Variants in DDX10 observed in about 807,000 individuals in gnomAD.
DDX10 encodes DEAD-box helicase 10.
A neutral mutation model predicts 104.3 loss-of-function variants in DDX10; 74 were observed. The ratio of observed to expected loss-of-function variants is 0.71; its 90% confidence interval spans 0.59 to 0.86. The LOEUF is 0.86. DDX10 is among the 40% of genes least tolerant of loss of function. The pLI is 0.00. For synonymous variants in DDX10, 351 were observed against 353.4 expected, an observed-to-expected ratio of 0.99 and a Z score of 0.08; for missense variants, 952 against 1,040.0, an observed-to-expected ratio of 0.92 and a Z score of 1.16.
At chr11:108,910,721 G>A (rs1052582721) in intron 16 of DDX10, among the ~76,000 whole-genome samples, 1 of 144,336 alleles carries the variant, frequency 6.9e-6, no homozygotes, top group Admixed American at 7.0e-5. Context: ...AGAGAGGAGC[G>A]TGCATGCGTG....
intron 1 of DDX10, among the ~76,000 whole-genome samples, chr11:108,670,818 A>C (rs974192652): frequency 6.6e-6 from 1 of 151,954 alleles, no homozygotes; most frequent in African/African-American, 2.4e-5. Context: ...TTTTAAATCA[A>C]AATTTGGTCT....
rs764298467 is a variant in DDX10 at position 108,677,260 on chromosome 11, A to G, written c.537+17A>G. On this transcript the variant is annotated intron_variant, in intron 4 of 17. Coordinates refer to ENST00000322536, the MANE Select transcript of DDX10 (RefSeq NM_004398.4). ...GGTGGAAAGGTTTGTCCTTTTGTCT[A>G]TGTCCTTCCTTTCCTTCTGTAACCT... The G allele has an allele frequency of 1.4e-5, 22 of 1,604,038 alleles. No homozygotes were observed. Among genetic ancestry groups the G allele is most frequent in the Middle Eastern group, 1.7e-4 (1 of 6,052 alleles).
chr11:108,887,163 T>C (rs1863308187), intron 16 of DDX10, among the ~76,000 whole-genome samples: 1 of 152,006 alleles, frequency 6.6e-6, no homozygotes, highest in African/African-American at 2.4e-5. Context: ...GGGGTGTTTA[T>C]CTATAATTTC....
intron 13 of DDX10, among the ~76,000 whole-genome samples, chr11:108,779,689 AAAT>A: frequency 6.6e-6 from 1 of 152,284 alleles, no homozygotes; most frequent in South Asian, 2.1e-4. Context: ...AAAATAATAA[AAAT>A]AAATAAAATT....
At chr11:108,806,732 G>T (rs191228090) in intron 13 of DDX10, among the ~76,000 whole-genome samples, 46 of 152,288 alleles carry the variant, frequency 3.0e-4, no homozygotes, top group Admixed American at 1.2e-3. Context: ...GAAGGAACCA[G>T]CTGAAGACTA....
At chr11:108,897,698 T>A (rs989544575) in intron 16 of DDX10, among the ~76,000 whole-genome samples, 5 of 151,982 alleles carry the variant, frequency 3.3e-5, no homozygotes, top group South Asian at 2.1e-4. Flanking sequence ...TTTTTTTTTT[T>A]AAGAGACAGT....
intron 13 of DDX10, among the ~76,000 whole-genome samples, chr11:108,754,858 G>A (rs187283335): frequency 6.6e-6 from 1 of 152,024 alleles, no homozygotes; most frequent in Admixed American, 6.6e-5. Context: ...TTAAAAACCA[G>A]AAAGTCAGAA....
chr11:108,676,890 T>C (rs1036241961), intron 3 of DDX10, among the ~76,000 whole-genome samples, 195 bp from the exon 4 acceptor site: 1 of 152,104 alleles, frequency 6.6e-6, no homozygotes, highest in Admixed American at 6.5e-5. Context: ...GGGGTTTCTT[T>C]TCCCTTTCCT....
intron 15 of DDX10, among the ~76,000 whole-genome samples, chr11:108,846,172 A>G (rs1862715436): frequency 1.3e-5 from 2 of 152,220 alleles, no homozygotes; most frequent in Admixed American, 1.3e-4. Context: ...ATGGGGTACA[A>G]TGAGATATGT....
At chr11:108,858,089 G>A (rs1249201196) in intron 16 of DDX10, among the ~76,000 whole-genome samples, 1 of 152,160 alleles carries the variant, frequency 6.6e-6, no homozygotes, top group African/African-American at 2.4e-5. Flanking sequence ...TCCAGCCCAG[G>A]AAGACCTGTT....
rs181457558 is a variant in DDX10, at chr11:108,826,693, A to G, written c.1966-11753A>G. On this transcript the variant is annotated intron_variant, in intron 13 of 17. Coordinates refer to ENST00000322536, the MANE Select transcript of DDX10 (RefSeq NM_004398.4). The stretch of plus-strand genomic sequence containing the variant: ...ATTAGCGGTGACTTGCAGCAGGGCC[A>G]CAAAGATGAGGAAGTTCTGTATGGA... Among the ~76,000 whole-genome samples the G allele has an allele frequency of 2.4e-4, 36 of 152,306 alleles. No individual in the cohort carries two copies. In the East Asian group the frequency reaches 6.7e-3, roughly 29 times the overall value.
rs184569028 is a variant in DDX10, at chr11:108,669,780, C to T, written c.187-3687C>T. Among the ~76,000 whole-genome samples the T allele has an allele frequency of 2.0e-5, 3 of 152,232 alleles. No homozygotes were observed. The East Asian group carries it at 5.8e-4, about 29-fold the overall frequency. On this transcript the variant is annotated intron_variant, in intron 1 of 17. Transcript: ENST00000322536. ...TGTCCTTAGATGTGGAAGAGGGAGG[C>T]GGAAGAGTCAGTGTCAGAATGACGT...
chr11:108,884,554 C>A (rs759260696), intron 16 of DDX10, among the ~76,000 whole-genome samples: 19 of 152,202 alleles, frequency 1.2e-4, no homozygotes, highest in Non-Finnish European at 2.4e-4. Flanking sequence ...GCTCTTTCTG[C>A]CCTTCTGTAA....
At chr11:108,802,713 A>G (rs944712329) in intron 13 of DDX10, among the ~76,000 whole-genome samples, 1 of 151,990 alleles carries the variant, frequency 6.6e-6, no homozygotes, top group Non-Finnish European at 1.5e-5. Context: ...ACAGGTGTGT[A>G]CTCTTATTTT....
intron 3 of DDX10, among the ~76,000 whole-genome samples, chr11:108,676,465 A>T (rs1250464013): frequency 2.0e-5 from 3 of 151,478 alleles, no homozygotes; most frequent in Admixed American, 2.0e-4. Context: ...TTTTTTTTTG[A>T]GATGAAGTCA....
chr11:108,712,590 G>A (rs908350113), intron 10 of DDX10, among the ~76,000 whole-genome samples: 10 of 151,602 alleles, frequency 6.6e-5, no homozygotes, highest in Admixed American at 5.2e-4. Flanking sequence ...TTTCTCCCTC[G>A]TGTCCCTTAT....
At chr11:108,730,868 A>C (rs762924480) in intron 13 of DDX10, among the ~76,000 whole-genome samples, 10 of 148,922 alleles carry the variant, frequency 6.7e-5, no homozygotes, top group Admixed American at 6.7e-5. Context: ...TTTTTACTGT[A>C]ATAAATTTAA....
chr11:108,685,307 G>A (rs566296607), intron 6 of DDX10, among the ~76,000 whole-genome samples: 22 of 151,130 alleles, frequency 1.5e-4, no homozygotes, highest in Non-Finnish European at 2.2e-4. Context: ...AGGTGCGTCC[G>A]TCACCCCTTT....
intron 10 of DDX10, among the ~76,000 whole-genome samples, chr11:108,711,387 C>T (rs983506927): frequency 6.6e-6 from 1 of 152,230 alleles, no homozygotes; most frequent in Non-Finnish European, 1.5e-5. Context: ...GGCTGGAGTG[C>T]AGTGGCACGA....
Sources: gnomAD v4.1 joint callset for allele counts (sites outside exome capture counted in the v4.1 genomes callset) on GRCh38, gnomAD v4.1.1 for gene constraint, MANE v1.5 for transcripts, NCBI Gene and HGNC (gene_info 2026-07-23, HGNC 2026-07-21) for gene names.